The following AGAP1 variants were observed in gnomAD, a reference collection of about 807,000 sequenced individuals.
AGAP1 encodes ArfGAP with GTPase domain, ankyrin repeat and PH domain 1, also known as arf-GAP with GTPase, ANK repeat and PH domain-containing protein 1.
In AGAP1, 29 loss-of-function variants were observed where a neutral mutation model predicts 105.3. The ratio of observed to expected loss-of-function variants is 0.28; its 90% confidence interval spans 0.21 to 0.38. The LOEUF is 0.38. AGAP1 is among the 10% of genes least tolerant of loss of function. The pLI is 1.00. For synonymous variants in AGAP1, 509 were observed against 485.9 expected, an observed-to-expected ratio of 1.05 and a Z score of -0.63; for missense variants, 998 against 1,165.1, an observed-to-expected ratio of 0.86 and a Z score of 2.09.
At chr2:235,804,982 C>T (rs1302687653) in intron 8 of AGAP1, among the ~76,000 whole-genome samples, 10 of 152,140 alleles carry the variant, frequency 6.6e-5, no homozygotes, top group Admixed American at 5.9e-4. Flanking sequence ...GAAAGGAAAC[C>T]TTACTGGGAA....
chr2:236,039,458 C>G (rs1358978419), intron 14 of AGAP1, among the ~76,000 whole-genome samples: 1 of 152,152 alleles, frequency 6.6e-6, no homozygotes, highest in Non-Finnish European at 1.5e-5. Context: ...GAAAAAGGTA[C>G]ATATCCAGTA....
At chr2:235,948,407 ACTC>A (rs2053591950) in intron 12 of AGAP1, among the ~76,000 whole-genome samples, 1 of 150,840 alleles carries the variant, frequency 6.6e-6, no homozygotes, top group South Asian at 2.1e-4. Flanking sequence ...CTGGTCTTGA[ACTC>A]CTGAGCTTCT....
At chr2:235,616,660 T>C (rs1236198475) in intron 1 of AGAP1, among the ~76,000 whole-genome samples, 5 of 152,220 alleles carry the variant, frequency 3.3e-5, no homozygotes, top group African/African-American at 1.2e-4. Flanking sequence ...GTTTCTGGCT[T>C]CCTGCCCCAC....
intron 16 of AGAP1, among the ~76,000 whole-genome samples, chr2:236,086,890 A>T (rs1278596965): frequency 1.4e-5 from 2 of 147,382 alleles, no homozygotes; most frequent in Non-Finnish European, 3.0e-5. Flanking sequence ...TCCCTCCAAA[A>T]ATCTGCAAAT....
Position 235,919,211 on chromosome 2 carries a change from C to T in AGAP1, c.1324+10305C>T, listed in dbSNP as rs1157006779. ...GCCAGCCCCGGGGGCCAGTGAGAAC[C>T]GAGGCCTTGGGAAAGGGCTTCTGGT... On this transcript the variant is annotated intron_variant, in intron 11 of 17. Coordinates refer to ENST00000304032, the MANE Select transcript of AGAP1 (RefSeq NM_001037131.3). This position sits in a 1 kb window ranked among gnomAD's most constrained non-coding sequence, Gnocchi z 4.1. 4.6e-5 allele frequency among the ~76,000 whole-genome samples: 7 copies of T among 152,136 alleles called. No individual in the cohort carries two copies. Among genetic ancestry groups the T allele is most frequent in the African/African-American group, 4.8e-5 (2 of 41,428 alleles).
At chr2:235,617,270 A>G (rs1946338488) in intron 1 of AGAP1, among the ~76,000 whole-genome samples, 2 of 152,256 alleles carry the variant, frequency 1.3e-5, no homozygotes, top group Non-Finnish European at 2.9e-5. Flanking sequence ...GTTAATGTTC[A>G]AAGCACAGCT....
intron 2 of AGAP1, 139 bp downstream of exon 2, chr2:235,709,376 C>A (rs533542298): frequency 3.0e-6 from 3 of 987,954 alleles, no homozygotes; most frequent in Non-Finnish European, 4.7e-6. Flanking sequence ...TGGGAAGGGC[C>A]AGGTATAGTT....
intron 1 of AGAP1, among the ~76,000 whole-genome samples, chr2:235,543,162 A>T (rs1943509499): frequency 8.7e-6 from 1 of 115,176 alleles, no homozygotes; most frequent in South Asian, 2.9e-4. Context: ...TTGGGTGTTG[A>T]GTAGCCCAGG....
At chr2:236,106,053 C>A (rs2125921192) in intron 16 of AGAP1, among the ~76,000 whole-genome samples, 1 of 152,364 alleles carries the variant, frequency 6.6e-6, no homozygotes, top group African/African-American at 2.4e-5. Context: ...ACCAGTGCTC[C>A]TGTTGCCCCT....
chr2:235,620,819 T>C lies in AGAP1; in HGVS notation c.164-88360T>C, dbSNP rs559375214. On this transcript the variant is annotated intron_variant, in intron 1 of 17. Coordinates refer to ENST00000304032, the MANE Select transcript of AGAP1 (RefSeq NM_001037131.3). The surrounding 1 kb of genome is among the most constrained non-coding windows in gnomAD (Gnocchi z 4.5). Reference sequence around the variant, plus strand: ...AGGTGAACAAGTGAATGAGTGATCCTGAGTTTGCTCTGGTTTCCTTCTAGT... The same window carrying C: ...AGGTGAACAAGTGAATGAGTGATCCCGAGTTTGCTCTGGTTTCCTTCTAGT... Among the ~76,000 whole-genome samples the C allele has an allele frequency of 6.6e-6, 1 of 152,354 alleles. No individual in the cohort carries two copies. The highest frequency in any genetic ancestry group is 2.1e-4 in the South Asian group (1 of 4,828).
intron 17 of AGAP1, among the ~76,000 whole-genome samples, chr2:236,122,503 T>C (rs1430263392): frequency 6.6e-6 from 1 of 152,160 alleles, no homozygotes. Flanking sequence ...CCACACATTG[T>C]GAGTTGGCAG....
rs914265112 is a variant in AGAP1, at chr2:236,073,964, C to A, written c.2114+24683C>A. Among the ~76,000 whole-genome samples, 1 of 152,174 alleles carries A rather than the reference C, an allele frequency of 6.6e-6. No homozygotes were observed. The highest frequency in any genetic ancestry group is 2.4e-5 in the African/African-American group (1 of 41,440). On this transcript the variant is annotated intron_variant, in intron 16 of 17. Transcript: ENST00000304032. This position sits in a 1 kb window ranked among gnomAD's most constrained non-coding sequence, Gnocchi z 5.4. Reference sequence around the variant, plus strand: ...AACCACCCTCTGGGTGCCAAGGTCTCCTCCAGGAGCACAGGTTCTCACCTG... The same window carrying A: ...AACCACCCTCTGGGTGCCAAGGTCTACTCCAGGAGCACAGGTTCTCACCTG...
rs559513618 is a variant in AGAP1, at chr2:235,690,038, G to A, written c.164-19141G>A. Among the ~76,000 whole-genome samples, 4 of 152,258 alleles carry A rather than the reference G, an allele frequency of 2.6e-5. No homozygotes were observed. Among genetic ancestry groups the A allele is most frequent in the African/African-American group, 9.6e-5 (4 of 41,542 alleles). On this transcript the variant is annotated intron_variant, in intron 1 of 17. Coordinates refer to ENST00000304032, the MANE Select transcript of AGAP1 (RefSeq NM_001037131.3). The surrounding 1 kb of genome is among the most constrained non-coding windows in gnomAD (Gnocchi z 4.1). The stretch of plus-strand genomic sequence containing the variant: ...GTGATATCACAGCAAATGCAAAGGT[G>A]ACTGGGAGTTCTAAGCCCCTGGGTG...
At chr2:235,980,338 T>C (rs1024372741) in intron 13 of AGAP1, among the ~76,000 whole-genome samples, 10 of 152,326 alleles carry the variant, frequency 6.6e-5, no homozygotes, top group Admixed American at 2.0e-4. Flanking sequence ...TTAGTTGGAA[T>C]TGATTACCTT....
At chr2:235,797,573 G>A (rs923013410) in intron 6 of AGAP1, among the ~76,000 whole-genome samples, 186 bp from the exon 7 acceptor site, 4 of 151,620 alleles carry the variant, frequency 2.6e-5, no homozygotes, top group African/African-American at 9.7e-5. Context: ...GGGGTGGGGG[G>A]ACGGGAGGAG....
intron 1 of AGAP1, chr2:235,670,813 G>C: frequency 7.0e-7 from 1 of 1,430,754 alleles, no homozygotes; most frequent in Non-Finnish European, 9.3e-7. Flanking sequence ...AGAACCGCAC[G>C]CTGGACAACA....
Position 235,962,278 on chromosome 2 carries a change from A to G in AGAP1, c.1484-6184A>G, listed in dbSNP as rs73130486. 0.058 allele frequency among the ~76,000 whole-genome samples: 8,757 copies of G among 152,000 alleles called. 821 individuals carry two copies. The highest frequency in any genetic ancestry group is 0.2 in the African/African-American group (8,297 of 41,428). ...CACAGAGGAGGCCGGTGTGCATGGC[A>G]CCACCCTCTCCCAGCCCTGGCCCAT... On this transcript the variant is annotated intron_variant, in intron 12 of 17. Coordinates refer to ENST00000304032, the MANE Select transcript of AGAP1 (RefSeq NM_001037131.3). This position sits in a 1 kb window ranked among gnomAD's most constrained non-coding sequence, Gnocchi z 5.3.
At chr2:235,554,879 AG>A (rs1276035606) in intron 1 of AGAP1, among the ~76,000 whole-genome samples, 2 of 152,160 alleles carry the variant, frequency 1.3e-5, no homozygotes, top group Non-Finnish European at 2.9e-5. Flanking sequence ...CATGTTGGCC[AG>A]GTTGGTCTCA....
chr2:235,718,810 A>G (rs1008837285), intron 3 of AGAP1, among the ~76,000 whole-genome samples: 4 of 152,192 alleles, frequency 2.6e-5, no homozygotes, highest in African/African-American at 9.6e-5. Context: ...TGTAGGGGTC[A>G]ATAGGAGAAA....
Sources: allele counts gnomAD v4.1 joint callset (sites outside exome capture counted in the v4.1 genomes callset), GRCh38; gene constraint gnomAD v4.1.1; non-coding constraint Gnocchi (gnomAD v3.1); transcripts MANE v1.5; gene names NCBI Gene and HGNC (gene_info 2026-07-23, HGNC 2026-07-21).